Variants in PDE11A observed in about 807,000 individuals in gnomAD.
PDE11A encodes the protein dual 3',5'-cyclic-AMP and -GMP phosphodiesterase 11A.
A neutral mutation model predicts 100.5 loss-of-function variants in PDE11A; 100 were observed. The observed-to-expected ratio is 1.00, with a 90% confidence interval of 0.85 to 1.18. The LOEUF (loss-of-function observed/expected upper bound fraction) is 1.18. Among genes scored for constraint, PDE11A ranks in the 50% most tolerant of loss-of-function variants. PDE11A has a pLI of 0.00. For missense variants in PDE11A, 1,141 were observed against 1,152.6 expected (o/e 0.99, Z 0.15); for synonymous variants, 381 against 420.8 (o/e 0.91, Z 1.16).
At chr2:177,955,261 T>C (rs1418372729) in intron 2 of PDE11A, among the ~76,000 whole-genome samples, 1 of 152,220 alleles carries the variant, frequency 6.6e-6, no homozygotes, top group East Asian at 1.9e-4. Flanking sequence ...CTTGTTTGTT[T>C]GTTTCCTGAG....
chr2:177,636,434 T>A (rs2080039656), intron 19 of PDE11A, among the ~76,000 whole-genome samples: 3 of 152,214 alleles, frequency 2.0e-5, no homozygotes, highest in Admixed American at 2.0e-4. Context: ...TTTTGACCAG[T>A]TACAGGTGTT....
intron 18 of PDE11A, among the ~76,000 whole-genome samples, chr2:177,665,908 A>C (rs935360178): frequency 3.9e-5 from 6 of 152,038 alleles, no homozygotes; most frequent in Non-Finnish European, 7.3e-5. Context: ...TTCTGTCTAA[A>C]ATTTTCATAT....
At chr2:177,927,779 C>T (rs1010875756) in intron 2 of PDE11A, among the ~76,000 whole-genome samples, 2 of 151,880 alleles carry the variant, frequency 1.3e-5, no homozygotes, top group African/African-American at 4.8e-5. Context: ...TACAATAATG[C>T]CAAGTTCATC....
At chr2:178,046,236 T>A (rs531038935) in intron 1 of PDE11A, among the ~76,000 whole-genome samples, 1 of 152,360 alleles carries the variant, frequency 6.6e-6, no homozygotes, top group South Asian at 2.1e-4. Context: ...ACAGTTGATA[T>A]GAGCTCTTCA....
At position 177,814,444 on chromosome 2, in the gene PDE11A, G is replaced by C. The variant is rs529882872; in HGVS notation, c.1737+2385C>G. Among the ~76,000 whole-genome samples, 3 of 152,212 alleles carry C rather than the reference G, an allele frequency of 2.0e-5. No homozygotes were observed. The East Asian group carries it at 5.8e-4, about 29-fold the overall frequency. On this transcript the variant is annotated intron_variant, in intron 9 of 19. Transcript: ENST00000286063. ...CATGGATTCCTAGGCCAGGGAGCGGGGTGGATGCCACCTGATCACTAGTGT... is the reference window on the plus strand; with the variant it reads ...CATGGATTCCTAGGCCAGGGAGCGGCGTGGATGCCACCTGATCACTAGTGT...
At chr2:177,700,525 A>C (rs1177027898) in intron 14 of PDE11A, among the ~76,000 whole-genome samples, 1 of 152,166 alleles carries the variant, frequency 6.6e-6, no homozygotes, top group Non-Finnish European at 1.5e-5. Context: ...GTGGAGAGCT[A>C]AAAGTATAAA....
upstream of PDE11A, among the ~76,000 whole-genome samples, chr2:178,074,952 G>T (rs1559063942): frequency 2.0e-5 from 3 of 152,142 alleles, no homozygotes; most frequent in South Asian, 6.2e-4. Flanking sequence ...ATGTGTGTTG[G>T]TGTGGCCACA....
At position 177,826,690 on chromosome 2, in the gene PDE11A, T is replaced by C. The variant is rs183034657; in HGVS notation, c.1501-6395A>G. Among the ~76,000 whole-genome samples the C allele has an allele frequency of 3.7e-4, 57 of 152,378 alleles. 2 individuals carry two copies. Among genetic ancestry groups the C allele is most frequent in the Admixed American group, 1.4e-3 (21 of 15,312 alleles). ...AAAGTCTGTTGGATTCTTAGAACTG[T>C]GGGACTTGTATTTGTTTTCACTACC... On this transcript the variant is annotated intron_variant, in intron 6 of 19. Transcript: ENST00000286063.
intron 3 of PDE11A, among the ~76,000 whole-genome samples, chr2:177,900,000 G>A (rs527713678): frequency 1.3e-5 from 2 of 152,044 alleles, no homozygotes; most frequent in East Asian, 3.9e-4. Context: ...TTAAATTGTA[G>A]TAACCCGTGG....
chr2:178,015,756 G>A (rs1286039950), intron 1 of PDE11A, among the ~76,000 whole-genome samples: 1 of 152,010 alleles, frequency 6.6e-6, no homozygotes, highest in Non-Finnish European at 1.5e-5. Context: ...GAAGGAGGGA[G>A]GGAGAGAAGG....
chr2:177,739,075 C>T (rs974344857), intron 10 of PDE11A, among the ~76,000 whole-genome samples: 3 of 152,160 alleles, frequency 2.0e-5, no homozygotes, highest in Non-Finnish European at 1.5e-5. Flanking sequence ...AAGCTCTTAA[C>T]GCACAAAAGA....
chr2:177,946,673 C>A (rs1281566049), intron 2 of PDE11A, among the ~76,000 whole-genome samples: 1 of 110,294 alleles, frequency 9.1e-6, no homozygotes, highest in Non-Finnish European at 2.0e-5. Flanking sequence ...CCGCCCCGTC[C>A]GGGAGGGAGG....
At position 178,087,483 on chromosome 2, in the gene PDE11A, A is replaced by G. The variant is rs113194152; in HGVS notation, c.162+16819T>C. 1.1e-3 allele frequency among the ~76,000 whole-genome samples: 170 copies of G among 152,352 alleles called. 1 individual carries two copies. The highest frequency in any genetic ancestry group is 3.7e-3 in the African/African-American group (154 of 41,582). ...TTAACTTTAATGAAACAAGACACAG[A>G]AAGACAAAAACCTCATGCTGTCACT... On this transcript the variant is annotated intron_variant, in intron 2 of 20. Coordinates refer to the PDE11A transcript ENST00000358450.
intron 1 of PDE11A, among the ~76,000 whole-genome samples, chr2:178,015,990 A>G (rs953386793): frequency 2.6e-5 from 4 of 152,026 alleles, no homozygotes; most frequent in Non-Finnish European, 5.9e-5. Flanking sequence ...ATGCTATGCT[A>G]TTCTCGCTCT....
chr2:177,966,798 T>G (rs1045209096), intron 2 of PDE11A, among the ~76,000 whole-genome samples: 2 of 152,226 alleles, frequency 1.3e-5, no homozygotes, highest in African/African-American at 4.8e-5. Context: ...TCATCAGGGA[T>G]GTATGCCTGA....
chr2:177,777,195 C>T (rs2105512487), intron 9 of PDE11A, among the ~76,000 whole-genome samples: 1 of 152,202 alleles, frequency 6.6e-6, no homozygotes, highest in East Asian at 1.9e-4. Context: ...TGATTGTGAA[C>T]TTCTAGCCTC....
intron 1 of PDE11A, among the ~76,000 whole-genome samples, chr2:178,039,904 T>G (rs1033738608): frequency 1.3e-5 from 2 of 151,974 alleles, no homozygotes; most frequent in Non-Finnish European, 2.9e-5. Context: ...AAAATTAAAT[T>G]GCATATTGTA....
chr2:177,807,794 C>T (rs2082894626), intron 9 of PDE11A, among the ~76,000 whole-genome samples: 1 of 152,180 alleles, frequency 6.6e-6, no homozygotes, highest in African/African-American at 2.4e-5. Flanking sequence ...CAAGAATCCT[C>T]AGAAAACTAT....
chr2:177,767,203 G>A (rs2082251376), intron 10 of PDE11A, among the ~76,000 whole-genome samples: 1 of 152,054 alleles, frequency 6.6e-6, no homozygotes, highest in African/African-American at 2.4e-5. Flanking sequence ...GGTGATGCGC[G>A]CCTGTAATCC....
Sources: gnomAD v4.1 joint callset for allele counts (sites outside exome capture counted in the v4.1 genomes callset) on GRCh38, gnomAD v4.1.1 for gene constraint, MANE v1.5 for transcripts, NCBI Gene and HGNC (gene_info 2026-07-23, HGNC 2026-07-21) for gene names.